RICTOR: variants seen among roughly 807,000 people sequenced by gnomAD.
RICTOR encodes rapamycin-insensitive companion of mTOR.
RICTOR carries 49 observed loss-of-function variants against 214.9 expected under a neutral mutation model. The ratio of observed to expected loss-of-function variants is 0.23; its 90% CI spans 0.18 to 0.29. The LOEUF (loss-of-function observed/expected upper bound fraction) is 0.29. Among genes scored for constraint, RICTOR ranks in the 10% least tolerant of loss-of-function variants. RICTOR has a pLI of 1.00. For synonymous variants in RICTOR, 717 were observed against 711.3 expected (o/e 1.01, Z -0.13); for missense variants, 1,625 against 2,047.0 (o/e 0.79, Z 3.98).
chr5:38,962,181 A>G, intron 19 of RICTOR, 134 bp downstream of exon 19: 1 of 399,668 alleles, frequency 2.5e-6, no homozygotes, highest in Non-Finnish European at 4.6e-6. Context: ...AAAAATATAT[A>G]TGAGTACCTA....
chr5:39,069,742 T>C (rs1759172801), intron 2 of RICTOR, among the ~76,000 whole-genome samples: 1 of 152,212 alleles, frequency 6.6e-6, no homozygotes. Context: ...CGTCAGATTA[T>C]ATCAGCAGCA....
intron 2 of RICTOR, among the ~76,000 whole-genome samples, chr5:39,066,461 C>T (rs1412707467): frequency 6.6e-6 from 1 of 152,234 alleles, no homozygotes; most frequent in Non-Finnish European, 1.5e-5. Context: ...TCCAACTTCA[C>T]GGATATCAGC....
In RICTOR at chr5:38,944,446, G is replaced by A. The variant is rs925027853; in HGVS notation, c.4913C>T (p.Thr1638Ile). 1.3e-6 allele frequency: 2 copies of A among 1,597,926 alleles called. No individual in the cohort carries two copies. Among genetic ancestry groups the A allele is most frequent in the African/African-American group, 1.4e-5 (1 of 73,898 alleles). ...STKCHETGLL[T>I]IKEKYPQTFD... Reference sequence around the variant, plus strand: ...ATACTCATGCACATAGTTTACTCACGTTAAAAGCCCAGTCTCATGACATTT... The same window carrying A: ...ATACTCATGCACATAGTTTACTCACATTAAAAGCCCAGTCTCATGACATTT... The change falls in exon 36 of 38, where the codon ACA becomes ATA. Residue 1638 changes from threonine (T) to isoleucine (I), a missense_variant and splice_region_variant. Coordinates refer to ENST00000357387, the MANE Select transcript of RICTOR (RefSeq NM_152756.5).
At chr5:39,052,811 T>C (rs1757942928) in intron 2 of RICTOR, among the ~76,000 whole-genome samples, 1 of 152,192 alleles carries the variant, frequency 6.6e-6, no homozygotes, top group Admixed American at 6.5e-5. Context: ...TGATCTCTTA[T>C]CAGTTTCTTC....
intron 11 of RICTOR, chr5:38,969,666 ATTTTTT>A (rs145128587): frequency 1.6e-5 from 2 of 125,934 alleles, no homozygotes; most frequent in African/African-American, 3.1e-5. Context: ...TGTATTTTTA[ATTTTTT>A]TTTTTTTTTT....
chr5:39,055,410 T>G (rs1295460307), intron 2 of RICTOR, among the ~76,000 whole-genome samples: 1 of 121,382 alleles, frequency 8.2e-6, no homozygotes, highest in Non-Finnish European at 1.7e-5. Context: ...AAGCTTTCTC[T>G]GACAATTCCC....
intron 6 of RICTOR, among the ~76,000 whole-genome samples, chr5:38,991,976 A>C (rs1752813437): frequency 6.6e-6 from 1 of 152,098 alleles, no homozygotes; most frequent in African/African-American, 2.4e-5. Context: ...CCTGTTGATA[A>C]AATAAAACTT....
intron 3 of RICTOR, among the ~76,000 whole-genome samples, chr5:39,017,900 G>C (rs1008337767): frequency 3.9e-5 from 6 of 152,102 alleles, no homozygotes; most frequent in East Asian, 1.9e-4. Flanking sequence ...TGATTTAGTA[G>C]GTCTGGGGTG....
Position 39,016,792 on chromosome 5 carries a change from G to A in RICTOR, c.195+4247C>T, listed in dbSNP as rs1051076479. Among the ~76,000 whole-genome samples, 7 of 152,116 alleles carry A rather than the reference G, an allele frequency of 4.6e-5. No homozygotes were observed. The South Asian group carries it at 8.3e-4, about 18-fold the overall frequency. On this transcript the variant is annotated intron_variant, in intron 3 of 37. Transcript: ENST00000357387. The stretch of plus-strand genomic sequence containing the variant: ...CCAATGTGGTTAGTAGATACTAGTT[G>A]CAAGTGACTATGAGCACTGGAAATG...
chr5:38,975,375 C>T (rs996414082), intron 10 of RICTOR, among the ~76,000 whole-genome samples, 162 bp downstream of exon 10: 1 of 152,062 alleles, frequency 6.6e-6, no homozygotes, highest in African/African-American at 2.4e-5. Context: ...TTTCCTTCAC[C>T]ATATTTTAAT....
chr5:38,973,491 T>A (rs1750955412), intron 10 of RICTOR, among the ~76,000 whole-genome samples: 1 of 152,196 alleles, frequency 6.6e-6, no homozygotes, highest in Non-Finnish European at 1.5e-5. Flanking sequence ...GTGTTCACTG[T>A]ATAGTTTTTT....
chr5:39,067,649 A>C (rs945915410), intron 2 of RICTOR, among the ~76,000 whole-genome samples: 1 of 152,198 alleles, frequency 6.6e-6, no homozygotes, highest in Non-Finnish European at 1.5e-5. Flanking sequence ...GAACAATCAG[A>C]CTAGAAATTC....
chr5:39,004,629 T>C (rs967436932), intron 3 of RICTOR, among the ~76,000 whole-genome samples: 3 of 151,466 alleles, frequency 2.0e-5, no homozygotes, highest in African/African-American at 7.3e-5. Context: ...CCAGCTAATT[T>C]TTGTATTTTT....
At chr5:39,060,237 C>T (rs1054118162) in intron 2 of RICTOR, among the ~76,000 whole-genome samples, 6 of 151,884 alleles carry the variant, frequency 4.0e-5, no homozygotes, top group African/African-American at 7.3e-5. Flanking sequence ...GTAAGCACTC[C>T]AAAAAATGAC....
rs1261333442 is a variant in RICTOR at position 38,941,897 on chromosome 5, C to T, written c.*407G>A. On this transcript the variant is annotated 3_prime_UTR_variant, in exon 38 of 38. Coordinates refer to ENST00000357387, the MANE Select transcript of RICTOR (RefSeq NM_152756.5). ...TGCTTTCCACAAGTTAGTTAACAAA[C>T]AAGGCATCTGTATTATTTACCCTAA... 4.3e-6 allele frequency: 1 copy of T among 234,312 alleles called. No individual in the cohort carries two copies. The highest frequency in any genetic ancestry group is 2.2e-5 in the African/African-American group (1 of 45,486). 14.5% of individuals were successfully genotyped at this position (234,312 alleles called of 1,614,324 possible).
At chr5:39,012,980 T>C (rs1271974832) in intron 3 of RICTOR, among the ~76,000 whole-genome samples, 2 of 152,132 alleles carry the variant, frequency 1.3e-5, no homozygotes, top group Non-Finnish European at 2.9e-5. Context: ...CTTAGTCCCA[T>C]GGAAAGTGTT....
intron 10 of RICTOR, among the ~76,000 whole-genome samples, chr5:38,973,055 A>T (rs1429672219): frequency 6.6e-6 from 1 of 152,162 alleles, no homozygotes. Flanking sequence ...GTTTCAGAAT[A>T]GGCAAAACTA....
chr5:39,031,541 T>C (rs1561551582), intron 2 of RICTOR, among the ~76,000 whole-genome samples: 2 of 152,326 alleles, frequency 1.3e-5, no homozygotes, highest in South Asian at 2.1e-4. Context: ...TGTGCTTATA[T>C]TGCCTCTCTT....
chr5:38,997,372 T>C (rs1459016815), intron 5 of RICTOR, among the ~76,000 whole-genome samples: 2 of 152,204 alleles, frequency 1.3e-5, no homozygotes, highest in African/African-American at 2.4e-5. Flanking sequence ...AATATTGATG[T>C]CCAAACAAAT....
Sources: allele counts gnomAD v4.1 joint callset (sites outside exome capture counted in the v4.1 genomes callset), GRCh38; gene constraint gnomAD v4.1.1; transcripts MANE v1.5; gene names NCBI Gene and HGNC (gene_info 2026-07-23, HGNC 2026-07-21).